The following BBS12 variants were observed in gnomAD, a reference collection of about 807,000 sequenced individuals.
BBS12 encodes the protein chaperonin-containing T-complex member BBS12.
Under a neutral mutation model 5.6 loss-of-function variants are expected in BBS12, and 5 were observed. The observed-to-expected ratio is 0.89, with a 90% confidence interval of 0.46 to 1.86. BBS12 has a LOEUF of 1.86. Ranked by LOEUF, BBS12 falls within the 40% of genes most tolerant of loss-of-function variation. The pLI is 0.01. For synonymous variants in BBS12, 308 were observed against 306.8 expected, an observed-to-expected ratio of 1.00 and a Z score of -0.04; for missense variants, 748 against 830.4, an observed-to-expected ratio of 0.90 and a Z score of 1.22.
the BBS12 span, among the ~76,000 whole-genome samples, chr4:122,719,136 G>T: frequency 2.6e-5 from 4 of 152,140 alleles, no homozygotes; most frequent in Non-Finnish European, 5.9e-5. Flanking sequence ...AGTTTCATAT[G>T]CCCAAGACTG....
At chr4:122,714,972 G>T in the BBS12 span, among the ~76,000 whole-genome samples, 2 of 151,816 alleles carry the variant, frequency 1.3e-5, no homozygotes, top group African/African-American at 4.8e-5. Context: ...ATTTTAATTA[G>T]TTAGGGCCAC....
upstream of BBS12, chr4:122,732,583 C>T (rs1032013952): frequency 2.0e-5 from 3 of 152,420 alleles, no homozygotes; most frequent in Non-Finnish European, 2.9e-5. Flanking sequence ...ACATCCAGTT[C>T]ATCCAATGGA....
the BBS12 span, among the ~76,000 whole-genome samples, chr4:122,719,779 T>G: frequency 1.6e-4 from 25 of 152,178 alleles, no homozygotes; most frequent in African/African-American, 5.8e-4. Context: ...AAATTTGAGT[T>G]CAAGCCCAGG....
At chr4:122,719,390 C>G in the BBS12 span, among the ~76,000 whole-genome samples, 1 of 152,140 alleles carries the variant, frequency 6.6e-6, no homozygotes, top group Non-Finnish European at 1.5e-5. Flanking sequence ...GCAACCCACT[C>G]GGGTCGGCTT....
the BBS12 span, among the ~76,000 whole-genome samples, chr4:122,707,976 T>TTCCTTCCTTCCTTCCTTCCTTC: frequency 2.2e-4 from 22 of 100,648 alleles, no homozygotes; most frequent in Non-Finnish European, 3.6e-4. Flanking sequence ...TTCCTTCCTT[T>TTCCTTCCTTCCTTCCTTCCTTC]CTTTCTTTCT....
At chr4:122,712,805 A>G in the BBS12 span, among the ~76,000 whole-genome samples, 1 of 152,148 alleles carries the variant, frequency 6.6e-6, no homozygotes, top group Middle Eastern at 3.4e-3. Flanking sequence ...TGCAAATTTG[A>G]CTCTATGAAA....
the BBS12 span, among the ~76,000 whole-genome samples, chr4:122,721,909 C>T: frequency 6.6e-5 from 10 of 152,260 alleles, no homozygotes; most frequent in African/African-American, 2.4e-4. Context: ...AGAGGAATGT[C>T]AAATAACTTG....
At chr4:122,719,336 G>T in the BBS12 span, among the ~76,000 whole-genome samples, 1 of 152,074 alleles carries the variant, frequency 6.6e-6, no homozygotes, top group Non-Finnish European at 1.5e-5. Flanking sequence ...GACATGGGTG[G>T]GGCCAAATAA....
At chr4:122,705,853 G>T in the BBS12 span, among the ~76,000 whole-genome samples, 55 of 152,234 alleles carry the variant, frequency 3.6e-4, 1 homozygote, top group African/African-American at 1.2e-3. Context: ...GAACACTCTT[G>T]CCCATAGAAA....
In BBS12 at chr4:122,743,623, T is replaced by C. The variant is rs760159690; in HGVS notation, c.1731T>C (p.Ala577=). The change falls in exon 2 of 2, where the codon GCT becomes GCC. Residue 577 remains alanine, a synonymous_variant. Transcript: ENST00000314218. The part of the protein sequence containing the change: ...GWLHNTSSWL[A]SSLAIYRPTV... ...TGCATAATACTTCCTCTTGGCTGGC[T>C]TCATCTCTGGCAATATACAGACCAA... The C allele has an allele frequency of 3.1e-6, 5 of 1,614,162 alleles. No individual in the cohort carries two copies. The highest frequency in any genetic ancestry group is 1.6e-4 in the Middle Eastern group (1 of 6,062).
the BBS12 span, among the ~76,000 whole-genome samples, chr4:122,710,646 T>C: frequency 6.6e-6 from 1 of 151,502 alleles, no homozygotes; most frequent in Non-Finnish European, 1.5e-5. Flanking sequence ...GGGAAATGGA[T>C]TCGTTATGAC....
rs765014659 is a variant in BBS12, at chr4:122,743,672, G to A, written c.1780G>A (p.Gly594Arg). The change falls in exon 2 of 2, where the codon GGA becomes AGA. Residue 594 changes from glycine (G) to arginine (R), a missense_variant. Coordinates refer to ENST00000314218, the MANE Select transcript of BBS12 (RefSeq NM_152618.3). ...RPTVLKFLAN[G>R]WQKYLSTLLY... ...AACTGTGCTTAAATTCCTGGCAAATGGATGGCAGAAATACCTTTCAACTCT... is the reference window on the plus strand; with the variant it reads ...AACTGTGCTTAAATTCCTGGCAAATAGATGGCAGAAATACCTTTCAACTCT... 5.6e-6 allele frequency: 9 copies of A among 1,614,092 alleles called. No individual in the cohort carries two copies. The highest frequency in any genetic ancestry group is 7.6e-6 in the Non-Finnish European group (9 of 1,180,010).
the BBS12 span, among the ~76,000 whole-genome samples, chr4:122,708,825 T>C: frequency 6.6e-6 from 1 of 151,930 alleles, no homozygotes; most frequent in Non-Finnish European, 1.5e-5. Context: ...AAAAATGATA[T>C]TAATAATAAT....
the BBS12 span, among the ~76,000 whole-genome samples, chr4:122,705,949 C>T: frequency 3.9e-4 from 59 of 152,286 alleles, no homozygotes; most frequent in African/African-American, 1.3e-3. Context: ...AGTTGGGAGA[C>T]GACTTCTTCC....
In BBS12 at chr4:122,742,432, C is replaced by T; in HGVS notation, c.540C>T (p.Ala180=). The change falls in exon 2 of 2, where the codon GCC becomes GCT. Residue 180 remains alanine (A), a synonymous_variant. Coordinates refer to ENST00000314218, the MANE Select transcript of BBS12 (RefSeq NM_152618.3). ...AATTGCATGGTCTCAAAGATGTTGC[C>T]TCTCAAACACTGACCATTTCCAACC... The part of the protein sequence containing the change: ...IEELHGLKDV[A]SQTLTISNLS... 1 of 1,614,184 alleles carries T rather than the reference C, an allele frequency of 6.2e-7. No homozygotes were observed. The highest frequency in any genetic ancestry group is 1.1e-5 in the South Asian group (1 of 91,082).
At chr4:122,738,219 C>A (rs1473722096) in intron 1 of BBS12, among the ~76,000 whole-genome samples, 2 of 151,614 alleles carry the variant, frequency 1.3e-5, no homozygotes, top group Non-Finnish European at 3.0e-5. Flanking sequence ...TTTCTAATTT[C>A]TTTTTCTTTT....
At chr4:122,709,498 A>G in the BBS12 span, among the ~76,000 whole-genome samples, 1 of 152,180 alleles carries the variant, frequency 6.6e-6, no homozygotes, top group South Asian at 2.1e-4. Flanking sequence ...ATCCCCTAAT[A>G]AAGAAGTTTA....
the BBS12 span, among the ~76,000 whole-genome samples, chr4:122,701,694 A>G: frequency 6.6e-6 from 1 of 152,200 alleles, no homozygotes; most frequent in East Asian, 1.9e-4. Context: ...AGATGAAGAG[A>G]ATGAGACTCA....
chr4:122,716,669 A>G, the BBS12 span, among the ~76,000 whole-genome samples: 4,598 of 78,064 alleles, frequency 0.059, 419 homozygotes, highest in African/African-American at 0.22. Flanking sequence ...ACATACACAT[A>G]TGTGTATATA....
Sources: gnomAD v4.1 joint callset for allele counts (sites outside exome capture counted in the v4.1 genomes callset) on GRCh38, gnomAD v4.1.1 for gene constraint, MANE v1.5 for transcripts, NCBI Gene and HGNC (gene_info 2026-07-23, HGNC 2026-07-21) for gene names.